DDX50: variants seen among roughly 807,000 people sequenced by gnomAD.
DDX50 encodes the protein ATP-dependent RNA helicase DDX50.
Under a neutral mutation model 94.8 loss-of-function variants are expected in DDX50, and 56 were observed. The observed-to-expected ratio is 0.59, with a 90% CI of 0.48 to 0.74. The LOEUF (loss-of-function observed/expected upper bound fraction) is 0.74, where lower values mean the gene tolerates loss of function less well. Among genes scored for constraint, DDX50 ranks in the 30% least tolerant of loss-of-function variants. DDX50 has a pLI of 0.00. For missense variants in DDX50, 713 were observed against 881.2 expected (o/e 0.81, Z 2.42); for synonymous variants, 264 against 295.4 (o/e 0.89, Z 1.09).
chr10:68,910,431 C>G, intron 3 of DDX50, 49 bp downstream of exon 3: 3 of 1,482,756 alleles, frequency 2.0e-6, no homozygotes, highest in Non-Finnish European at 2.8e-6. Context: ...GAGACAGAGC[C>G]TCGCTCTGTT....
chr10:68,922,344 T>TA (rs1436007256), intron 8 of DDX50, among the ~76,000 whole-genome samples: 5 of 152,188 alleles, frequency 3.3e-5, no homozygotes, highest in African/African-American at 1.2e-4. Flanking sequence ...TTCGCATTTT[T>TA]AAAAAATCTG....
chr10:68,925,997 G>C, intron 8 of DDX50, among the ~76,000 whole-genome samples: 1 of 134,864 alleles, frequency 7.4e-6, no homozygotes, highest in East Asian at 2.3e-4. Flanking sequence ...CTGGGCAACA[G>C]AGCAAGACTC....
At chr10:68,926,024 AAAG>A (rs1271972840) in intron 8 of DDX50, among the ~76,000 whole-genome samples, 72 of 144,094 alleles carry the variant, frequency 5.0e-4, no homozygotes, top group African/African-American at 1.6e-3. Flanking sequence ...CAAAAAAAAA[AAAG>A]ATTAGCCAGT....
intron 11 of DDX50, 103 bp downstream of exon 11, chr10:68,936,182 C>T: frequency 1.2e-6 from 1 of 844,032 alleles, no homozygotes; most frequent in Non-Finnish European, 1.8e-6. Context: ...ACCAGTTTTA[C>T]CAGCAGACAT....
chr10:68,914,470 C>G (rs949492987), intron 7 of DDX50, among the ~76,000 whole-genome samples: 2 of 152,152 alleles, frequency 1.3e-5, no homozygotes, highest in Non-Finnish European at 2.9e-5. Flanking sequence ...CTTTCTTTCT[C>G]TCTTTAAAGC....
intron 8 of DDX50, among the ~76,000 whole-genome samples, chr10:68,921,357 A>T (rs116293147): frequency 0.06 from 9,140 of 152,282 alleles, 329 homozygotes; most frequent in Middle Eastern, 0.11. Flanking sequence ...TGCTTTTAAT[A>T]TATGGATTAC....
At chr10:68,923,151 A>G (rs1398203421) in intron 8 of DDX50, among the ~76,000 whole-genome samples, 3 of 144,596 alleles carry the variant, frequency 2.1e-5, no homozygotes, top group Non-Finnish European at 4.5e-5. Context: ...GTGTGTGTGT[A>G]TATATACATA....
intron 12 of DDX50, 133 bp from the exon 13 acceptor site, chr10:68,940,927 A>C: frequency 8.3e-7 from 1 of 1,209,714 alleles, no homozygotes. Flanking sequence ...TTTCAAAAAA[A>C]TTTTTTAGCT....
Position 68,914,050 on chromosome 10 carries a change from T to G in DDX50, c.944-9T>G, listed in dbSNP as rs1204555499. 1 of 1,567,364 alleles carries G rather than the reference T, an allele frequency of 6.4e-7. No individual in the cohort carries two copies. The highest frequency in any genetic ancestry group is 1.2e-5 in the South Asian group (1 of 82,932). ...AAGAAAACATTTGAATTCTTTTTGT[T>G]TATTTAAGATTCTGAAGACAATCCT... On this transcript the variant is annotated splice_polypyrimidine_tract_variant and intron_variant, in intron 6 of 14. Transcript: ENST00000373585.
At chr10:68,932,384 C>T (rs147707887) in intron 8 of DDX50, among the ~76,000 whole-genome samples, 9 of 152,208 alleles carry the variant, frequency 5.9e-5, no homozygotes, top group South Asian at 2.1e-4. Context: ...CTTAACCTCT[C>T]GAGTAGCTGG....
Position 68,911,132 on chromosome 10 carries a change from A to G in DDX50, c.525A>G (p.Lys175=). Residue 175 remains lysine (K), a synonymous_variant, in exon 4 of 15, where the codon AAA becomes AAG. Transcript: ENST00000373585. ...VKTFGPVYEG[K]DLIAQARTGT... Reference sequence around the variant, plus strand: ...CCTTTGGTCCTGTATATGAAGGAAAAGATTTAATAGCTCAAGCACGGACAG... The same window carrying G: ...CCTTTGGTCCTGTATATGAAGGAAAGGATTTAATAGCTCAAGCACGGACAG... The G allele has an allele frequency of 6.2e-7, 1 of 1,611,644 alleles. No individual in the cohort carries two copies. Among genetic ancestry groups the G allele is most frequent in the Non-Finnish European group, 8.5e-7 (1 of 1,179,044 alleles).
intron 1 of DDX50, among the ~76,000 whole-genome samples, chr10:68,903,786 G>A (rs1841360589): frequency 6.6e-6 from 1 of 151,476 alleles, no homozygotes; most frequent in South Asian, 2.1e-4. Context: ...GGGTGACACA[G>A]CGAGACTCCA....
chr10:68,931,433 A>ACACACACACACACC (rs1842270446), intron 8 of DDX50, among the ~76,000 whole-genome samples: 1 of 139,542 alleles, frequency 7.2e-6, no homozygotes, highest in Non-Finnish European at 1.5e-5. Flanking sequence ...ATATACACAA[A>ACACACACACACACC]CACACACACA....
At chr10:68,916,448 C>A (rs1841795663) in intron 7 of DDX50, among the ~76,000 whole-genome samples, 1 of 149,996 alleles carries the variant, frequency 6.7e-6, no homozygotes, top group Non-Finnish European at 1.5e-5. Context: ...TAGTAAAAAA[C>A]AGTTGATAAG....
At chr10:68,908,735 G>A (rs754267413) in intron 2 of DDX50, among the ~76,000 whole-genome samples, 9 of 146,546 alleles carry the variant, frequency 6.1e-5, no homozygotes, top group Admixed American at 5.0e-4. Context: ...CATCCTCCCT[G>A]GGCTCAGGTG....
intron 7 of DDX50, among the ~76,000 whole-genome samples, chr10:68,915,437 G>C (rs574720462): frequency 3.9e-4 from 59 of 150,920 alleles, no homozygotes; most frequent in African/African-American, 1.4e-3. Context: ...GAAAAAAAAG[G>C]CTGGGTGCGG....
chr10:68,904,790 C>T (rs1381669369), intron 1 of DDX50, among the ~76,000 whole-genome samples: 1 of 152,152 alleles, frequency 6.6e-6, no homozygotes, highest in Admixed American at 6.5e-5. Flanking sequence ...TCTGTAGAAC[C>T]TATTGGTTTG....
intron 7 of DDX50, among the ~76,000 whole-genome samples, chr10:68,918,920 G>A (rs1488491150): frequency 6.6e-6 from 1 of 152,182 alleles, no homozygotes; most frequent in Non-Finnish European, 1.5e-5. Flanking sequence ...CTATACAGGT[G>A]TATCAGTTTT....
intron 8 of DDX50, among the ~76,000 whole-genome samples, chr10:68,931,493 T>A (rs1181424912): frequency 6.8e-6 from 1 of 146,822 alleles, no homozygotes; most frequent in African/African-American, 2.5e-5. Flanking sequence ...CAGGCTGGAG[T>A]GCAGTGGCAC....
Sources: allele counts gnomAD v4.1 joint callset (sites outside exome capture counted in the v4.1 genomes callset), GRCh38; gene constraint gnomAD v4.1.1; transcripts MANE v1.5; gene names NCBI Gene and HGNC (gene_info 2026-07-23, HGNC 2026-07-21).